SLC25A13: variants seen among roughly 807,000 people sequenced by gnomAD.
SLC25A13 encodes solute carrier family 25 member 13.
Under a neutral mutation model 85.5 loss-of-function variants are expected in SLC25A13, and 70 were observed. The ratio of observed to expected loss-of-function variants is 0.82; its 90% CI spans 0.68 to 1.00. The LOEUF is 1.00. SLC25A13 is among the 50% of genes least tolerant of loss of function. The probability of loss-of-function intolerance (pLI) is 0.00; values close to 1 mark genes in which losing one functional copy is unlikely to be tolerated. For synonymous variants in SLC25A13, 259 were observed against 288.7 expected (o/e 0.90, Z 1.04); for missense variants, 765 against 819.8 (o/e 0.93, Z 0.82).
Position 96,303,052 on chromosome 7 carries a change from T to C in SLC25A13, c.16-6101A>G, listed in dbSNP as rs994525979. Among the ~76,000 whole-genome samples the C allele has an allele frequency of 2.0e-5, 3 of 152,296 alleles. No homozygotes were observed. The South Asian group carries it at 6.2e-4, about 32-fold the overall frequency. On this transcript the variant is annotated intron_variant, in intron 1 of 17. Coordinates refer to ENST00000265631, the MANE Select transcript of SLC25A13 (RefSeq NM_014251.3). Reference sequence around the variant, plus strand: ...CAAACCATACCAAAGGTCAATCAAATGAAAATTTCTAGAATGGATATCTTT... The same window carrying C: ...CAAACCATACCAAAGGTCAATCAAACGAAAATTTCTAGAATGGATATCTTT...
At position 96,149,265 on chromosome 7, in the gene SLC25A13, T is replaced by C. The variant is rs527724085; in HGVS notation, c.1312-2569A>G. 5.3e-5 allele frequency among the ~76,000 whole-genome samples: 8 copies of C among 152,336 alleles called. No homozygotes were observed. In the East Asian group the frequency reaches 1.5e-3, roughly 29 times the overall value. On this transcript the variant is annotated intron_variant, in intron 13 of 17. Coordinates refer to ENST00000265631, the MANE Select transcript of SLC25A13 (RefSeq NM_014251.3). ...CATATCATTTCACGAATAACTTTTA[T>C]TTGTTTTACATCTGATCTCACAACA...
At chr7:96,313,387 A>C (rs926005908) in intron 1 of SLC25A13, among the ~76,000 whole-genome samples, 1 of 152,228 alleles carries the variant, frequency 6.6e-6, no homozygotes, top group Non-Finnish European at 1.5e-5. Flanking sequence ...GGTGAATTGC[A>C]TAAAGAAAAT....
chr7:96,234,708 T>C, intron 4 of SLC25A13, 94 bp downstream of exon 4: 2 of 918,548 alleles, frequency 2.2e-6, no homozygotes, highest in South Asian at 2.8e-5. Context: ...ATAAAGAATT[T>C]CCATACACTT....
intron 9 of SLC25A13, among the ~76,000 whole-genome samples, chr7:96,185,425 C>G (rs1198387859): frequency 2.0e-5 from 3 of 151,464 alleles, no homozygotes; most frequent in Non-Finnish European, 4.4e-5. Flanking sequence ...TGGTGAAAGC[C>G]CATCTCTATA....
chr7:96,225,533 G>GAA (rs5885947), intron 4 of SLC25A13, among the ~76,000 whole-genome samples: 1 of 132,416 alleles, frequency 7.6e-6, no homozygotes, highest in African/African-American at 3.0e-5. Flanking sequence ...TGTTTCAAAA[G>GAA]AAAAAAAAAA....
chr7:96,260,033 A>T (rs1374874505), intron 3 of SLC25A13, among the ~76,000 whole-genome samples: 1 of 146,348 alleles, frequency 6.8e-6, no homozygotes, highest in East Asian at 2.1e-4. Context: ...GGAGGGAAAC[A>T]TCACACACTG....
intron 9 of SLC25A13, among the ~76,000 whole-genome samples, chr7:96,185,621 T>A (rs1018398231): frequency 6.7e-6 from 1 of 149,464 alleles, no homozygotes; most frequent in South Asian, 2.1e-4. Flanking sequence ...TCGGGTACGG[T>A]GGCTCATGCC....
At chr7:96,206,478 TGGAA>T (rs1795467087) in intron 5 of SLC25A13, among the ~76,000 whole-genome samples, 2 of 151,950 alleles carry the variant, frequency 1.3e-5, no homozygotes, top group South Asian at 4.2e-4. Flanking sequence ...AAACATGAAA[TGGAA>T]GGAAGGAAGA....
intron 2 of SLC25A13, among the ~76,000 whole-genome samples, chr7:96,286,457 T>C (rs1798890436): frequency 6.6e-6 from 1 of 152,142 alleles, no homozygotes; most frequent in Non-Finnish European, 1.5e-5. Context: ...TGTGTTGTTT[T>C]CTTTGCCTAA....
chr7:96,150,360 T>C (rs938886655), intron 13 of SLC25A13, among the ~76,000 whole-genome samples: 3 of 152,102 alleles, frequency 2.0e-5, no homozygotes, highest in African/African-American at 7.2e-5. Context: ...TAAACATCTA[T>C]TATGGGGTAT....
rs376910412 is a variant in SLC25A13, at chr7:96,207,739, T to C, written c.468+1099A>G. 4.9e-4 allele frequency among the ~76,000 whole-genome samples: 74 copies of C among 152,336 alleles called. 1 individual carries two copies. Among genetic ancestry groups the C allele is most frequent in the African/African-American group, 1.7e-3 (72 of 41,584 alleles). ...GGAAAACTAAGTTATAATCATATTT[T>C]GTGAATACTCTTCTCCTTGCATCAT... On this transcript the variant is annotated intron_variant, in intron 5 of 17. Coordinates refer to ENST00000265631, the MANE Select transcript of SLC25A13 (RefSeq NM_014251.3).
chr7:96,147,555 T>C (rs1237494529), intron 13 of SLC25A13, among the ~76,000 whole-genome samples: 1 of 152,226 alleles, frequency 6.6e-6, no homozygotes, highest in Non-Finnish European at 1.5e-5. Flanking sequence ...TTACATTCTT[T>C]CTTACTGTAC....
intron 3 of SLC25A13, among the ~76,000 whole-genome samples, chr7:96,241,208 T>C (rs908249702): frequency 4.6e-5 from 7 of 152,096 alleles, no homozygotes; most frequent in African/African-American, 1.7e-4. Flanking sequence ...GGGTAGCCTA[T>C]GGGTTAGCCC....
intron 14 of SLC25A13, among the ~76,000 whole-genome samples, chr7:96,134,234 C>T (rs998584300): frequency 1.3e-4 from 19 of 151,974 alleles, no homozygotes; most frequent in African/African-American, 4.1e-4. Flanking sequence ...CGGGGTTTCA[C>T]CACGTTGGGC....
chr7:96,241,670 A>G (rs1045459713), intron 3 of SLC25A13, among the ~76,000 whole-genome samples: 2 of 152,196 alleles, frequency 1.3e-5, no homozygotes, highest in African/African-American at 2.4e-5. Context: ...CTGCTTGTCC[A>G]TATTTTCTAA....
intron 3 of SLC25A13, among the ~76,000 whole-genome samples, chr7:96,274,656 TC>T (rs1397211850): frequency 5.3e-5 from 8 of 152,208 alleles, no homozygotes; most frequent in African/African-American, 1.9e-4. Context: ...AACATTTAAG[TC>T]TTTAATCCAT....
At chr7:96,209,366 A>ACACACG (rs1224412706) in intron 4 of SLC25A13, among the ~76,000 whole-genome samples, 3 of 151,614 alleles carry the variant, frequency 2.0e-5, no homozygotes, top group Non-Finnish European at 4.4e-5. Context: ...ACACACACAC[A>ACACACG]CACACACACA....
At chr7:96,180,312 A>G (rs1794372655) in intron 11 of SLC25A13, among the ~76,000 whole-genome samples, 1 of 152,176 alleles carries the variant, frequency 6.6e-6, no homozygotes, top group South Asian at 2.1e-4. Flanking sequence ...TCGTCTAAGA[A>G]GTATTTCTGA....
chr7:96,233,176 G>C (rs1286179689), intron 4 of SLC25A13, among the ~76,000 whole-genome samples: 2 of 152,194 alleles, frequency 1.3e-5, no homozygotes, highest in Non-Finnish European at 2.9e-5. Flanking sequence ...GCTGGGGAAA[G>C]TAGGAGGACA....
Sources: allele counts gnomAD v4.1 joint callset (sites outside exome capture counted in the v4.1 genomes callset), GRCh38; gene constraint gnomAD v4.1.1; transcripts MANE v1.5; gene names NCBI Gene and HGNC (gene_info 2026-07-23, HGNC 2026-07-21).